Variants in NT5DC3 observed in about 807,000 individuals in gnomAD.
NT5DC3 encodes the protein 5'-nucleotidase domain-containing protein 3.
NT5DC3 carries 42 observed loss-of-function variants against 67.8 expected under a neutral mutation model. The observed-to-expected ratio is 0.62, with a 90% CI of 0.48 to 0.80. The LOEUF is 0.80. Ranked by LOEUF, NT5DC3 falls within the 30% of genes least tolerant of loss-of-function variation. NT5DC3 has a pLI of 0.00. For missense variants in NT5DC3, 570 were observed against 696.4 expected, an observed-to-expected ratio of 0.82 and a Z score of 2.04; for synonymous variants, 237 against 255.6, an observed-to-expected ratio of 0.93 and a Z score of 0.69.
the NT5DC3 span, chr12:103,759,185 TC>T: frequency 6.2e-7 from 1 of 1,614,084 alleles, no homozygotes; most frequent in East Asian, 2.2e-5. Flanking sequence ...AGCATGTTTT[TC>T]TACAATGACC....
rs139994712 is a variant in NT5DC3, at chr12:103,789,864, T to C, written c.1020-945A>G. 5.1e-4 allele frequency among the ~76,000 whole-genome samples: 77 copies of C among 152,246 alleles called. No homozygotes were observed. In the East Asian group the frequency reaches 6.0e-3, roughly 12 times the overall value. On this transcript the variant is annotated intron_variant, in intron 9 of 13. Coordinates refer to ENST00000392876, the MANE Select transcript of NT5DC3 (RefSeq NM_001031701.3). ...CTAATTGTAATACAGAAAAATACTA[T>C]GAAAAAAAGGTACGCAACCCAGAAT... is the stretch of plus-strand genomic sequence containing the variant.
chr12:103,753,108 G>A, the NT5DC3 span: 1 of 1,356,056 alleles, frequency 7.4e-7, no homozygotes, highest in African/African-American at 1.5e-5. Flanking sequence ...GGCTTCTGGA[G>A]ACACCCTGGG....
At chr12:103,796,769 A>G (rs1285370592) in intron 6 of NT5DC3, 125 bp downstream of exon 6, 11 of 919,130 alleles carry the variant, frequency 1.2e-5, no homozygotes, top group Non-Finnish European at 1.7e-5. Flanking sequence ...TAAACCACAT[A>G]TAAGAGTTCC....
At position 103,827,503 on chromosome 12, in the gene NT5DC3, T is replaced by C. The variant is rs907821693; in HGVS notation, c.209-12382A>G. ...TTAGCTAAGGATTAATATTCACTAGTAGTGTTTCTCAAGTAGATTTTTCTG... is the reference window on the plus strand; with the variant it reads ...TTAGCTAAGGATTAATATTCACTAGCAGTGTTTCTCAAGTAGATTTTTCTG... On this transcript the variant is annotated intron_variant, in intron 1 of 13. Coordinates refer to ENST00000392876, the MANE Select transcript of NT5DC3 (RefSeq NM_001031701.3). 4.3e-4 allele frequency among the ~76,000 whole-genome samples: 66 copies of C among 152,192 alleles called. 3 individuals are homozygous for C. Among genetic ancestry groups the C allele is most frequent in the African/African-American group, 7.2e-5 (3 of 41,440 alleles).
At chr12:103,809,019 C>T (rs942677491) in intron 2 of NT5DC3, among the ~76,000 whole-genome samples, 2 of 152,188 alleles carry the variant, frequency 1.3e-5, no homozygotes, top group East Asian at 1.9e-4. Flanking sequence ...AAGGAATTTG[C>T]CCAAGGTCAC....
intron 11 of NT5DC3, chr12:103,785,749 T>A (rs777120801): frequency 7.9e-6 from 3 of 378,362 alleles, no homozygotes; most frequent in South Asian, 5.7e-5. Context: ...AACCATGGTC[T>A]GTAAAAAAAA....
chr12:103,827,005 A>G (rs921725876), intron 1 of NT5DC3, among the ~76,000 whole-genome samples: 1 of 152,228 alleles, frequency 6.6e-6, no homozygotes, highest in Non-Finnish European at 1.5e-5. Context: ...GCACTTTGGG[A>G]GGCCAAGGTA....
At chr12:103,836,066 C>T (rs1355435766) in intron 1 of NT5DC3, among the ~76,000 whole-genome samples, 3 of 152,142 alleles carry the variant, frequency 2.0e-5, no homozygotes, top group African/African-American at 7.2e-5. Context: ...AGACCAGCCC[C>T]CATGATTCAA....
At chr12:103,759,303 A>G in the NT5DC3 span, 1 of 1,608,844 alleles carries the variant, frequency 6.2e-7, no homozygotes, top group South Asian at 1.1e-5. Flanking sequence ...TCTTGGGGGA[A>G]CGGGAGATAA....
At chr12:103,799,110 C>A (rs1310029913) in intron 4 of NT5DC3, among the ~76,000 whole-genome samples, 2 of 152,178 alleles carry the variant, frequency 1.3e-5, no homozygotes, top group Admixed American at 1.3e-4. Flanking sequence ...ATGGTCCAGG[C>A]TCTCACACCA....
intron 4 of NT5DC3, among the ~76,000 whole-genome samples, chr12:103,805,868 A>G (rs1439258575): frequency 6.6e-6 from 1 of 150,726 alleles, no homozygotes; most frequent in Non-Finnish European, 1.5e-5. Flanking sequence ...AAAAAAAAAA[A>G]AAGTCTCAAT....
intron 1 of NT5DC3, among the ~76,000 whole-genome samples, chr12:103,816,622 A>T (rs1887264906): frequency 1.3e-5 from 2 of 152,326 alleles, no homozygotes; most frequent in East Asian, 3.9e-4. Context: ...GAAGCCTTTC[A>T]AAAATTCATT....
chr12:103,774,315 C>G lies in NT5DC3; in HGVS notation c.*3514G>C, dbSNP rs1374452292. On this transcript the variant is annotated 3_prime_UTR_variant, in exon 14 of 14. Coordinates refer to ENST00000392876, the MANE Select transcript of NT5DC3 (RefSeq NM_001031701.3). The stretch of plus-strand genomic sequence containing the variant: ...AATGGCTGAAAACAGATTCATTTCC[C>G]TTGTACCAATATGCATTCATCAATG... 6.6e-6 allele frequency: 1 copy of G among 152,220 alleles called. No homozygotes were observed. Among genetic ancestry groups the G allele is most frequent in the African/African-American group, 2.4e-5 (1 of 41,462 alleles). 9.4% of individuals were successfully genotyped at this position (152,220 alleles called of 1,614,324 possible).
the NT5DC3 span, chr12:103,755,172 C>T: frequency 7.8e-7 from 1 of 1,276,468 alleles, no homozygotes; most frequent in South Asian, 1.3e-5. Flanking sequence ...GTGTGCCAGG[C>T]ACAGAGGTGC....
At chr12:103,837,964 A>G (rs1273676832) in intron 1 of NT5DC3, among the ~76,000 whole-genome samples, 1 of 152,176 alleles carries the variant, frequency 6.6e-6, no homozygotes. Context: ...TCATGCTGCT[A>G]ATAAAGACAC....
rs543600312 is a variant in NT5DC3 at position 103,839,994 on chromosome 12, TG to T, written c.208+954del. On this transcript the variant is annotated intron_variant, in intron 1 of 13. Transcript: ENST00000392876. ...ACAAATTTCGGTTCTGAATCCTCCT[TG>T]GAAGCAACAGCGACAATGGATTATT... 2.0e-3 allele frequency among the ~76,000 whole-genome samples: 306 copies of T among 152,248 alleles called. 1 individual carries two copies. Among genetic ancestry groups the T allele is most frequent in the Non-Finnish European group, 5.6e-4 (38 of 68,000 alleles).
At chr12:103,761,565 C>G in the NT5DC3 span, among the ~76,000 whole-genome samples, 1 of 151,830 alleles carries the variant, frequency 6.6e-6, no homozygotes, top group African/African-American at 2.4e-5. Flanking sequence ...TGGCCAGGAC[C>G]GCCCAACCCT....
chr12:103,831,770 CTTTT>C (rs568035358), intron 1 of NT5DC3, among the ~76,000 whole-genome samples: 45 of 109,642 alleles, frequency 4.1e-4, no homozygotes, highest in South Asian at 9.5e-4. Context: ...TCAGCATCCT[CTTTT>C]TTTTTTTTTT....
intron 1 of NT5DC3, among the ~76,000 whole-genome samples, chr12:103,836,362 A>G (rs1888147340): frequency 6.6e-6 from 1 of 152,232 alleles, no homozygotes; most frequent in Admixed American, 6.5e-5. Context: ...GTTACTTCCC[A>G]GATACAATGG....
Sources: allele counts gnomAD v4.1 joint callset (sites outside exome capture counted in the v4.1 genomes callset), GRCh38; gene constraint gnomAD v4.1.1; transcripts MANE v1.5; gene names NCBI Gene and HGNC (gene_info 2026-07-23, HGNC 2026-07-21).